SH3RF2: variants seen among roughly 807,000 people sequenced by gnomAD.
The protein encoded by SH3RF2 is SH3 domain containing ring finger 2, also known as E3 ubiquitin-protein ligase SH3RF2.
In SH3RF2, 43 loss-of-function variants were observed where a neutral mutation model predicts 59.0. That is an observed-to-expected ratio of 0.73 (90% confidence interval 0.57 to 0.94). The LOEUF (loss-of-function observed/expected upper bound fraction) is 0.94, where lower values mean the gene tolerates loss of function less well. Among genes scored for constraint, SH3RF2 ranks in the 40% least tolerant of loss-of-function variants. SH3RF2 has a pLI of 0.00. For synonymous variants in SH3RF2, 391 were observed against 391.5 expected, an observed-to-expected ratio of 1.00 and a Z score of 0.01; for missense variants, 930 against 940.1, an observed-to-expected ratio of 0.99 and a Z score of 0.14.
intron 5 of SH3RF2, among the ~76,000 whole-genome samples, chr5:146,019,271 TG>T (rs1043829174): frequency 8.5e-5 from 13 of 152,200 alleles, no homozygotes; most frequent in Non-Finnish European, 1.3e-4. Flanking sequence ...TAATCCATCT[TG>T]AGTTAACTTT....
rs569925040 is a variant in SH3RF2 at position 146,075,259 on chromosome 5, C to T, written c.*34-3201C>T. On this transcript the variant is annotated intron_variant, in intron 9 of 9. Coordinates refer to the SH3RF2 transcript ENST00000511217. ...TTAATCTATAATAATAATTTTGAGC[C>T]AACAATTATAGAGCACCTGCTATGT... is the stretch of plus-strand genomic sequence containing the variant. Among the ~76,000 whole-genome samples the T allele has an allele frequency of 1.9e-4, 29 of 152,246 alleles. No homozygotes were observed. In the South Asian group the frequency reaches 5.6e-3, roughly 29 times the overall value.
chr5:146,073,661 T>G (rs903463762), intron 9 of SH3RF2, among the ~76,000 whole-genome samples: 3 of 152,220 alleles, frequency 2.0e-5, no homozygotes, highest in Non-Finnish European at 2.9e-5. Context: ...CTTACTCATT[T>G]TTTTTTCAAC....
intron 5 of SH3RF2, among the ~76,000 whole-genome samples, chr5:146,025,450 C>A (rs248777): frequency 3.3e-5 from 5 of 152,180 alleles, no homozygotes; most frequent in Admixed American, 6.5e-5. Flanking sequence ...AGGTCTGGTT[C>A]CCACACTTGA....
chr5:146,065,627 A>G (rs75498972), downstream of SH3RF2, among the ~76,000 whole-genome samples: 386 of 152,182 alleles, frequency 2.5e-3, 10 homozygotes, highest in East Asian at 0.045. Context: ...GATGCAAACA[A>G]CTCCAAGACT....
Sources: gnomAD v4.1 joint callset for allele counts (sites outside exome capture counted in the v4.1 genomes callset) on GRCh38, gnomAD v4.1.1 for gene constraint, MANE v1.5 for transcripts, NCBI Gene and HGNC (gene_info 2026-07-23, HGNC 2026-07-21) for gene names.